PAMR1: variants seen among roughly 807,000 people sequenced by gnomAD.
PAMR1 encodes the protein peptidase domain containing associated with muscle regeneration 1.
In PAMR1, 88 loss-of-function variants were observed where a neutral mutation model predicts 81.8. That is an observed-to-expected ratio of 1.08 (90% CI 0.91 to 1.28). The LOEUF is 1.28. PAMR1 is among the 50% of genes most tolerant of loss of function. PAMR1 has a pLI of 0.00. For synonymous variants in PAMR1, 336 were observed against 345.3 expected, an observed-to-expected ratio of 0.97 and a Z score of 0.30; for missense variants, 935 against 919.7, an observed-to-expected ratio of 1.02 and a Z score of -0.21.
At chr11:35,516,657 G>A (rs1171451102) in intron 1 of PAMR1, among the ~76,000 whole-genome samples, 2 of 152,208 alleles carry the variant, frequency 1.3e-5, no homozygotes, top group Non-Finnish European at 2.9e-5. Context: ...AGGGGTCAAT[G>A]AACAGCGCAA....
At position 35,432,766 on chromosome 11, in the gene PAMR1, G is replaced by A. The variant is rs750706563; in HGVS notation, c.1753C>T (p.Arg585Trp). The change falls in exon 11 of 11, where the codon CGG becomes TGG. Residue 585 changes from arginine to tryptophan, a missense_variant. Transcript: ENST00000619888. ...RVQPICLAAS[R>W]DLSTSFQESH... ...TCCTGGAAGGAAGTGCTGAGATCCC[G>A]ACTGGCAGCGAGGCAGATGGGCTGG... 1.7e-5 allele frequency: 27 copies of A among 1,613,192 alleles called. No individual in the cohort carries two copies. Among genetic ancestry groups the A allele is most frequent in the Admixed American group, 5.0e-5 (3 of 60,012 alleles).
chr11:35,436,946 G>A (rs1856061843), intron 8 of PAMR1, among the ~76,000 whole-genome samples: 1 of 152,164 alleles, frequency 6.6e-6, no homozygotes, highest in African/African-American at 2.4e-5. Context: ...TCATAATGGG[G>A]CAATATTAGG....
intron 6 of PAMR1, among the ~76,000 whole-genome samples, chr11:35,457,444 A>G (rs1015231579): frequency 1.3e-5 from 2 of 152,198 alleles, no homozygotes; most frequent in Admixed American, 1.3e-4. Context: ...ACAGCATATC[A>G]TGGCACTTCT....
chr11:35,512,090 C>G (rs1851084830), intron 1 of PAMR1, among the ~76,000 whole-genome samples: 1 of 152,214 alleles, frequency 6.6e-6, no homozygotes, highest in Non-Finnish European at 1.5e-5. Flanking sequence ...ATCACCCTCC[C>G]TTTGGGTACC....
At chr11:35,452,957 T>C (rs1049148939) in intron 6 of PAMR1, among the ~76,000 whole-genome samples, 2 of 152,218 alleles carry the variant, frequency 1.3e-5, no homozygotes, top group African/African-American at 4.8e-5. Context: ...AATCATTTGG[T>C]TCCCCAGTGT....
At position 35,488,663 on chromosome 11, in the gene PAMR1, TC is replaced by T. The variant is rs1379143948; in HGVS notation, c.379+3381del. Among the ~76,000 whole-genome samples the T allele has an allele frequency of 2.8e-4, 41 of 144,556 alleles. 1 individual carries two copies. The Admixed American group carries it at 3.0e-3, about 11-fold the overall frequency. 94.8% of individuals were successfully genotyped at this position (144,556 alleles called of 152,430 possible). A position where few individuals can be genotyped will look rare whatever the true frequency, so the allele number is the denominator to read the frequency against. Reference sequence around the variant, plus strand: ...TTTTGTCCATTTTTCACACTTCAAATCTTGCCTTTTTTTTTTTTTTTTTTTT... The same window carrying T: ...TTTTGTCCATTTTTCACACTTCAAATTTGCCTTTTTTTTTTTTTTTTTTTT... On this transcript the variant is annotated intron_variant, in intron 3 of 10. Transcript: ENST00000619888.
chr11:35,473,384 A>G (rs756995520), intron 4 of PAMR1, among the ~76,000 whole-genome samples: 1 of 152,078 alleles, frequency 6.6e-6, no homozygotes, highest in Non-Finnish European at 1.5e-5. Flanking sequence ...GATTTTGGAG[A>G]AGCTCCTCAG....
chr11:35,464,017 T>C (rs1856712384), intron 6 of PAMR1, among the ~76,000 whole-genome samples: 1 of 152,220 alleles, frequency 6.6e-6, no homozygotes, highest in East Asian at 1.9e-4. Context: ...GTGTTGATAA[T>C]GAATGGCTCG....
chr11:35,444,076 GCTAA>G (rs1856240533), intron 6 of PAMR1, among the ~76,000 whole-genome samples: 1 of 152,182 alleles, frequency 6.6e-6, no homozygotes, highest in Non-Finnish European at 1.5e-5. Context: ...GAGGCATCAT[GCTAA>G]CTGACTTCAA....
At chr11:35,462,530 AGTTAT>A (rs2135369259) in intron 6 of PAMR1, among the ~76,000 whole-genome samples, 1 of 152,314 alleles carries the variant, frequency 6.6e-6, no homozygotes, top group South Asian at 2.1e-4. Flanking sequence ...ACTTTGAGAA[AGTTAT>A]GTCATAATTG....
Position 35,441,575 on chromosome 11 carries a change from G to T in PAMR1, c.939C>A (p.Phe313Leu). The change falls in exon 7 of 11, where the codon TTC becomes TTA. Residue 313 changes from phenylalanine (F) to leucine (L), a missense_variant. Phe to Leu is a conservative substitution (Grantham distance 22, BLOSUM62 0). Transcript: ENST00000619888. ...RHAKIGTVVS[F>L]FCNNSYVLSG... ...TAAGAACATAGGAGTTGTTACAAAA[G>T]AAAGACACCACGGTGCCAATTTTAG... 6.2e-7 allele frequency: 1 copy of T among 1,613,992 alleles called. No homozygotes were observed. Among genetic ancestry groups the T allele is most frequent in the Non-Finnish European group, 8.5e-7 (1 of 1,179,892 alleles).
chr11:35,504,058 G>GT (rs1164846284), intron 1 of PAMR1, among the ~76,000 whole-genome samples: 14 of 152,142 alleles, frequency 9.2e-5, no homozygotes, highest in Non-Finnish European at 1.3e-4. Flanking sequence ...TCTATGCCTA[G>GT]TTTTTTCAGG....
In PAMR1 at chr11:35,524,584, G is replaced by A. The variant is rs188089707; in HGVS notation, c.73+929C>T. Among the ~76,000 whole-genome samples, 252 of 152,246 alleles carry A rather than the reference G, an allele frequency of 1.7e-3. 2 individuals are homozygous for A. Among genetic ancestry groups the A allele is most frequent in the Admixed American group, 0.013 (195 of 15,294 alleles). On this transcript the variant is annotated intron_variant, in intron 1 of 10. Transcript: ENST00000619888. ...CACAGAAGGGAAGCAGCGAAGGCTCGTACATAACCTGCCCCTATTCAGAGC... is the reference window on the plus strand; with the variant it reads ...CACAGAAGGGAAGCAGCGAAGGCTCATACATAACCTGCCCCTATTCAGAGC...
chr11:35,468,148 G>C, intron 5 of PAMR1, 40 bp from the exon 6 acceptor site: 5 of 1,273,176 alleles, frequency 3.9e-6, no homozygotes, highest in Non-Finnish European at 5.6e-6. Flanking sequence ...ACTATACATT[G>C]AGTCGATGTC....
At chr11:35,500,086 C>A in intron 1 of PAMR1, among the ~76,000 whole-genome samples, 1 of 152,218 alleles carries the variant, frequency 6.6e-6, no homozygotes, top group East Asian at 1.9e-4. Flanking sequence ...TCCTGTGGAG[C>A]ATCCAGAAGG....
chr11:35,525,097 C>T (rs1565366455), intron 1 of PAMR1, among the ~76,000 whole-genome samples: 1 of 152,156 alleles, frequency 6.6e-6, no homozygotes, highest in Non-Finnish European at 1.5e-5. Flanking sequence ...TCTTTCTTTC[C>T]CTCTCTTCTT....
intron 6 of PAMR1, among the ~76,000 whole-genome samples, chr11:35,449,284 A>C (rs1205465435): frequency 2.0e-5 from 3 of 150,008 alleles, no homozygotes; most frequent in Non-Finnish European, 4.5e-5. Flanking sequence ...CCCACAGAGG[A>C]TCTGTCCCAC....
At chr11:35,467,042 CG>C (rs1856770431) in intron 6 of PAMR1, among the ~76,000 whole-genome samples, 1 of 152,128 alleles carries the variant, frequency 6.6e-6, no homozygotes. Flanking sequence ...TATGTGCCCA[CG>C]GTTTATGTCC....
chr11:35,493,177 T>G (rs1311576082), intron 2 of PAMR1, among the ~76,000 whole-genome samples: 1 of 152,206 alleles, frequency 6.6e-6, no homozygotes, highest in East Asian at 1.9e-4. Flanking sequence ...CTACCTTTAT[T>G]AAGGTCCCCA....
Sources: gnomAD v4.1 joint callset for allele counts (sites outside exome capture counted in the v4.1 genomes callset) on GRCh38, gnomAD v4.1.1 for gene constraint, MANE v1.5 for transcripts, NCBI Gene and HGNC (gene_info 2026-07-23, HGNC 2026-07-21) for gene names.